Variants in CLMN observed in about 807,000 individuals in gnomAD.
CLMN encodes the protein calmin (calponin-like, transmembrane).
Under a neutral mutation model 92.7 loss-of-function variants are expected in CLMN, and 57 were observed. The observed-to-expected ratio is 0.61, with a 90% CI of 0.50 to 0.77. CLMN has a LOEUF of 0.77. CLMN is among the 30% of genes least tolerant of loss of function. The pLI is 0.00. For missense variants in CLMN, 1,158 were observed against 1,237.5 expected (o/e 0.94, Z 0.96); for synonymous variants, 466 against 470.6 (o/e 0.99, Z 0.13).
In CLMN at chr14:95,294,868, G is replaced by C. The variant is rs1277483006; in HGVS notation, c.82+24843C>G. Among the ~76,000 whole-genome samples, 1 of 152,218 alleles carries C rather than the reference G, an allele frequency of 6.6e-6. No individual in the cohort carries two copies. Among genetic ancestry groups the C allele is most frequent in the African/African-American group, 2.4e-5 (1 of 41,454 alleles). ...CTCCTACTCTTGCTCCCGCTCCTTA[G>C]CTGTGGTTTTGGCCAGGGCTGCATT... On this transcript the variant is annotated intron_variant, in intron 1 of 12. Coordinates refer to ENST00000298912, the MANE Select transcript of CLMN (RefSeq NM_024734.4). The surrounding 1 kb of genome is among the most constrained non-coding windows in gnomAD (Gnocchi z 4.2).
At chr14:95,300,039 G>A (rs1159851800) in intron 1 of CLMN, among the ~76,000 whole-genome samples, 1 of 152,172 alleles carries the variant, frequency 6.6e-6, no homozygotes, top group Non-Finnish European at 1.5e-5. Flanking sequence ...ACATAGAGAC[G>A]CCTCTACAGA....
intron 2 of CLMN, among the ~76,000 whole-genome samples, chr14:95,226,382 T>C (rs940641151): frequency 2.6e-5 from 4 of 152,176 alleles, no homozygotes; most frequent in Non-Finnish European, 4.4e-5. Flanking sequence ...GTTTTTTTTT[T>C]CTGAATATTT....
intron 1 of CLMN, among the ~76,000 whole-genome samples, chr14:95,275,429 T>C (rs1011022824): frequency 6.6e-6 from 1 of 152,074 alleles, no homozygotes; most frequent in African/African-American, 2.4e-5. Context: ...ATTAGTATGC[T>C]ACAAGACACT....
chr14:95,221,693 T>G lies in CLMN; in HGVS notation c.322A>C (p.Asn108His). The G allele has an allele frequency of 6.2e-7, 1 of 1,613,272 alleles. No individual in the cohort carries two copies. Among genetic ancestry groups the G allele is most frequent in the Non-Finnish European group, 8.5e-7 (1 of 1,179,416 alleles). ...CAGGATGAGCTTCAAACACTTACAT[T>G]GCTATCTTCCAAAAACTTAAGTGCT... ...AKALKFLEDSNVKLVSIDAAE... is the reference protein window; with the variant it reads ...AKALKFLEDSHVKLVSIDAAE... The change falls in exon 4 of 13, where the codon AAT becomes CAT. Residue 108 changes from asparagine to histidine, a missense_variant and splice_region_variant. Asn to His is a moderately conservative substitution (Grantham distance 68). Coordinates refer to ENST00000298912, the MANE Select transcript of CLMN (RefSeq NM_024734.4).
In CLMN at chr14:95,193,933, TA is replaced by T; in HGVS notation, c.2770-15del. ...GCTAAAATGATCCTACAGTGAAATTTATAAACAAAAGCCCCCGCAACCCAAT... is the reference window on the plus strand; with the variant it reads ...GCTAAAATGATCCTACAGTGAAATTTTAAACAAAAGCCCCCGCAACCCAAT... On this transcript the variant is annotated splice_polypyrimidine_tract_variant and intron_variant, in intron 11 of 12. Transcript: ENST00000298912. The T allele has an allele frequency of 6.2e-7, 1 of 1,612,148 alleles. No homozygotes were observed. The highest frequency in any genetic ancestry group is 8.5e-7 in the Non-Finnish European group (1 of 1,179,484).
chr14:95,204,937 AGCCC>A (rs1897005953), intron 8 of CLMN, among the ~76,000 whole-genome samples: 2 of 152,298 alleles, frequency 1.3e-5, no homozygotes, highest in South Asian at 4.1e-4. Context: ...TGAATCTGGA[AGCCC>A]TCCAAACACA....
At chr14:95,248,076 G>A (rs1432904841) in intron 1 of CLMN, among the ~76,000 whole-genome samples, 1 of 150,526 alleles carries the variant, frequency 6.6e-6, no homozygotes, top group Admixed American at 6.6e-5. Flanking sequence ...ATTAAAAGCA[G>A]CTCAACTAAT....
At chr14:95,313,125 G>T (rs1255430338) in intron 1 of CLMN, among the ~76,000 whole-genome samples, 1 of 152,196 alleles carries the variant, frequency 6.6e-6, no homozygotes, top group Non-Finnish European at 1.5e-5. Context: ...AGAATTGCTT[G>T]AACCCAGGAG....
At chr14:95,217,855 G>A (rs1021608908) in intron 4 of CLMN, among the ~76,000 whole-genome samples, 4 of 152,244 alleles carry the variant, frequency 2.6e-5, no homozygotes, top group African/African-American at 7.2e-5. Flanking sequence ...AGAGGGGAAG[G>A]GCAGGGCTGA....
Position 95,185,645 on chromosome 14 carries a change from C to T in CLMN, c.*5919G>A, listed in dbSNP as rs151287769. On this transcript the variant is annotated 3_prime_UTR_variant, in exon 13 of 13. Coordinates refer to ENST00000298912, the MANE Select transcript of CLMN (RefSeq NM_024734.4). Reference sequence around the variant, plus strand: ...AGTCTCATTTCCTGGCTGAGAAGGTCCCGAGATACCAGGCTGACTGGAAGC... The same window carrying T: ...AGTCTCATTTCCTGGCTGAGAAGGTTCCGAGATACCAGGCTGACTGGAAGC... 1.3e-5 allele frequency: 2 copies of T among 152,194 alleles called. No homozygotes were observed. The highest frequency in any genetic ancestry group is 2.9e-5 in the Non-Finnish European group (2 of 68,016). The allele number at this position is 152,194 out of a possible 1,614,324, so 9.4% of individuals were successfully genotyped here. A position where few individuals can be genotyped will look rare whatever the true frequency, so the allele number is the denominator to read the frequency against.
At chr14:95,250,021 C>G (rs1039454162) in intron 1 of CLMN, among the ~76,000 whole-genome samples, 1 of 146,742 alleles carries the variant, frequency 6.8e-6, no homozygotes, top group Non-Finnish European at 1.5e-5. Context: ...TGTGTGCCCC[C>G]GTTCCCATTC....
At chr14:95,316,574 G>A (rs770391377) in intron 1 of CLMN, among the ~76,000 whole-genome samples, 2 of 152,232 alleles carry the variant, frequency 1.3e-5, no homozygotes, top group Non-Finnish European at 2.9e-5. Flanking sequence ...GATGACCTAT[G>A]ACATCACAAT....
At chr14:95,225,737 C>T (rs1897690568) in intron 2 of CLMN, among the ~76,000 whole-genome samples, 1 of 152,204 alleles carries the variant, frequency 6.6e-6, no homozygotes, top group South Asian at 2.1e-4. Context: ...TTCCTTCTCC[C>T]TGAGGGGAAA....
intron 1 of CLMN, among the ~76,000 whole-genome samples, chr14:95,244,063 A>G (rs28662828): frequency 0.33 from 49,674 of 151,884 alleles, 9,375 homozygotes; most frequent in African/African-American, 0.53. Context: ...TGTAAGAGGT[A>G]CTTGCTTCCC....
chr14:95,270,828 C>T (rs922798619), intron 1 of CLMN, among the ~76,000 whole-genome samples: 2 of 152,138 alleles, frequency 1.3e-5, no homozygotes, highest in African/African-American at 4.8e-5. Context: ...CCTGGGTATA[C>T]ACCTAGGAGT....
At chr14:95,201,379 G>A (rs1896876005) in intron 9 of CLMN, among the ~76,000 whole-genome samples, 1 of 151,326 alleles carries the variant, frequency 6.6e-6, no homozygotes, top group Non-Finnish European at 1.5e-5. Flanking sequence ...CCTCTCAAAG[G>A]CCTTCCATCA....
In CLMN at chr14:95,191,421, A is replaced by AAAAAAC; in HGVS notation, c.*142_*143insGTTTTT. On this transcript the variant is annotated 3_prime_UTR_variant, in exon 13 of 13. Transcript: ENST00000298912. The surrounding 1 kb of genome is among the most constrained non-coding windows in gnomAD (Gnocchi z 5.3). ...AAGGAAACCTGAAAAAAAAAAAAAA[A>AAAAAAC]CCACAATAGCGAGAAAGGGGGTCTA... 2.1e-6 allele frequency: 1 copy of AAAAAAC among 483,562 alleles called. No individual in the cohort carries two copies. The highest frequency in any genetic ancestry group is 3.4e-6 in the Non-Finnish European group (1 of 297,146). The allele number at this position is 483,562 out of a possible 1,614,324, so 30.0% of individuals were successfully genotyped here.
At chr14:95,208,281 A>G (rs1465802775) in intron 8 of CLMN, among the ~76,000 whole-genome samples, 1 of 152,192 alleles carries the variant, frequency 6.6e-6, no homozygotes, top group Non-Finnish European at 1.5e-5. Context: ...GCCAGGGGCA[A>G]GGGTTCAGTC....
At chr14:95,276,966 T>A (rs1899955490) in intron 1 of CLMN, among the ~76,000 whole-genome samples, 1 of 150,500 alleles carries the variant, frequency 6.6e-6, no homozygotes, top group South Asian at 2.1e-4. Flanking sequence ...TTGGGTAACA[T>A]GGCTTGGCCC....
Sources: gnomAD v4.1 joint callset for allele counts (sites outside exome capture counted in the v4.1 genomes callset) on GRCh38, gnomAD v4.1.1 for gene constraint, Gnocchi (gnomAD v3.1) non-coding constraint, MANE v1.5 for transcripts, NCBI Gene and HGNC (gene_info 2026-07-23, HGNC 2026-07-21) for gene names.